AP3D1: variants seen among roughly 807,000 people sequenced by gnomAD.
The protein encoded by AP3D1 is adaptor related protein complex 3 subunit delta 1, also known as AP-3 complex subunit delta-1.
Under a neutral mutation model 147.6 loss-of-function variants are expected in AP3D1, and 51 were observed. The observed-to-expected ratio is 0.35, with a 90% CI of 0.28 to 0.44. AP3D1 has a LOEUF of 0.44. Ranked by LOEUF, AP3D1 falls within the 20% of genes least tolerant of loss-of-function variation. The pLI, the probability that AP3D1 is intolerant of heterozygous loss-of-function variation, is 1.00. For synonymous variants in AP3D1, 760 were observed against 663.0 expected, an observed-to-expected ratio of 1.15 and a Z score of -2.25; for missense variants, 1,421 against 1,624.2, an observed-to-expected ratio of 0.87 and a Z score of 2.15.
intron 7 of AP3D1, 71 bp from the exon 8 acceptor site, chr19:2,129,234 C>T (rs1015842201): frequency 1.9e-5 from 30 of 1,610,552 alleles, no homozygotes; most frequent in Admixed American, 1.3e-4. Context: ...GGGGGGGCCT[C>T]GGTCACCCGC....
At chr19:2,160,924 C>CGCCCA (rs367766624) in intron 1 of AP3D1, among the ~76,000 whole-genome samples, 287 of 152,166 alleles carry the variant, frequency 1.9e-3, no homozygotes, top group South Asian at 0.012. Context: ...TCCCAGACAT[C>CGCCCA]GCCCAGTGTT....
chr19:2,122,887 C>A (rs1285414916), intron 11 of AP3D1, among the ~76,000 whole-genome samples: 1 of 152,226 alleles, frequency 6.6e-6, no homozygotes, highest in East Asian at 1.9e-4. Flanking sequence ...CAGGCAGGGG[C>A]CGCTAATTCT....
rs778335839 is a variant in AP3D1, at chr19:2,116,255, C to T, written c.2025G>A (p.Glu675=). The T allele has an allele frequency of 1.6e-5, 26 of 1,614,158 alleles. No individual in the cohort carries two copies. In the Middle Eastern group the frequency reaches 6.6e-4, roughly 41 times the overall value. Reference sequence around the variant, plus strand: ...TGATGTAGAAGGGGTTGTTGGCCTGCTCCTGCTTCCGGGCCTCTCGGCGCT... The same window carrying T: ...TGATGTAGAAGGGGTTGTTGGCCTGTTCCTGCTTCCGGGCCTCTCGGCGCT... ...LARRREARKQ[E]QANNPFYIKS... The change falls in exon 18 of 32, where the codon GAG becomes GAA. Residue 675 remains glutamate, a synonymous_variant. Transcript: ENST00000643116.
chr19:2,110,988 G>T, intron 26 of AP3D1, 92 bp from the exon 27 acceptor site: 1 of 1,404,366 alleles, frequency 7.1e-7, no homozygotes. Context: ...AGAGGCAGCA[G>T]GGGTCCCACA....
rs1393263790 is a variant in AP3D1 at position 2,102,267 on chromosome 19, C to T, written c.3554G>A (p.Gly1185Asp). The change falls in exon 32 of 32, where the codon GGT becomes GAT. Residue 1185 changes from glycine (G) to aspartate (D), a missense_variant and splice_region_variant. By Grantham distance (94) the Gly-to-Asp change is moderately conservative. Coordinates refer to ENST00000643116, the MANE Select transcript of AP3D1 (RefSeq NM_001261826.3). ...GHHVCLLVKK[G>D]ENSVSVDGKC... Reference sequence around the variant, plus strand: ...CCCGTCGACTGAGACAGAGTTCTCACCCTGTGTAAGGAAAAAAGATGGATA... The same window carrying T: ...CCCGTCGACTGAGACAGAGTTCTCATCCTGTGTAAGGAAAAAAGATGGATA... The T allele has an allele frequency of 1.2e-6, 2 of 1,611,898 alleles. No individual in the cohort carries two copies. The highest frequency in any genetic ancestry group is 8.5e-7 in the Non-Finnish European group (1 of 1,178,268).
At chr19:2,113,273 T>C in intron 23 of AP3D1, 63 bp downstream of exon 23, 2 of 906,552 alleles carry the variant, frequency 2.2e-6, no homozygotes, top group South Asian at 1.7e-5. Flanking sequence ...GGCTCTTCCC[T>C]GAGTGCCAGG....
At chr19:2,153,843 T>A (rs185292360), upstream of AP3D1, among the ~76,000 whole-genome samples, 572 of 152,266 alleles carry the variant, frequency 3.8e-3, 9 homozygotes, top group Non-Finnish European at 2.5e-3. Flanking sequence ...TCCTTGTGAT[T>A]TCTTTCCCCT....
intron 31 of AP3D1, among the ~76,000 whole-genome samples, chr19:2,104,862 CCTGGGG>C: frequency 6.6e-6 from 1 of 151,766 alleles, no homozygotes; most frequent in Middle Eastern, 3.4e-3. Context: ...TTTTTGTAGA[CCTGGGG>C]TCTTGCCATG....
intron 1 of AP3D1, among the ~76,000 whole-genome samples, chr19:2,156,744 G>A (rs2019648515): frequency 6.6e-6 from 1 of 152,140 alleles, no homozygotes; most frequent in African/African-American, 2.4e-5. Flanking sequence ...AGTTACTCGG[G>A]AGGCTGAGGC....
intron 1 of AP3D1, among the ~76,000 whole-genome samples, chr19:2,159,861 C>A (rs1423144268): frequency 6.7e-6 from 1 of 149,888 alleles, no homozygotes; most frequent in Non-Finnish European, 1.5e-5. Flanking sequence ...GGTCTACAGG[C>A]GCCTGCCAAC....
rs567945386 is a variant in AP3D1, at chr19:2,105,888, C to T, written c.3552+2799G>A. The stretch of plus-strand genomic sequence containing the variant: ...AGGCAGGCGGATCAGGAGTTTGAGA[C>T]CAGCCTGACCAACATGGTGAAACCC... On this transcript the variant is annotated intron_variant, in intron 31 of 31. Transcript: ENST00000643116. Among the ~76,000 whole-genome samples the T allele has an allele frequency of 2.3e-3, 352 of 151,932 alleles. 3 individuals are homozygous for T. The highest frequency in any genetic ancestry group is 8.2e-3 in the African/African-American group (341 of 41,428).
chr19:2,150,660 G>A (rs1282874387), intron 1 of AP3D1, among the ~76,000 whole-genome samples: 2 of 152,286 alleles, frequency 1.3e-5, no homozygotes, highest in East Asian at 1.9e-4. Flanking sequence ...TCCGAGCCAG[G>A]CCTCAGGGAG....
chr19:2,111,257 C>T (rs2018267130), intron 26 of AP3D1, 28 bp downstream of exon 26: 1 of 1,613,540 alleles, frequency 6.2e-7, no homozygotes, highest in Non-Finnish European at 8.5e-7. Flanking sequence ...GCTGGCCCAC[C>T]CTGCCCCTGG....
rs150176915 is a variant in AP3D1 at position 2,127,296 on chromosome 19, C to G, written c.807-95G>C. On this transcript the variant is annotated intron_variant, in intron 8 of 31. Transcript: ENST00000643116. ...GCAGCTCAGCTGGAGACGGCCTCCG[C>G]CCCACGGCTCAGGGAGTGTGCCCCA... 3.5e-4 allele frequency: 479 copies of G among 1,358,214 alleles called. 2 individuals are homozygous for G. The African/African-American group carries it at 6.1e-3, about 17-fold the overall frequency. 84.1% of individuals were successfully genotyped at this position (1,358,214 alleles called of 1,614,324 possible). A position where few individuals can be genotyped will look rare whatever the true frequency, so the allele number is the denominator to read the frequency against.
chr19:2,128,292 C>G (rs1050058457), intron 8 of AP3D1, among the ~76,000 whole-genome samples: 2 of 152,144 alleles, frequency 1.3e-5, no homozygotes, highest in African/African-American at 4.8e-5. Context: ...AAAACCCAAA[C>G]TCCCCAAACG....
rs746875566 is a variant in AP3D1, at chr19:2,121,769, T to G, written c.1066A>C (p.Ile356Leu). 59 of 1,611,166 alleles carry G rather than the reference T, an allele frequency of 3.7e-5. No individual in the cohort carries two copies. Among genetic ancestry groups the G allele is most frequent in the Non-Finnish European group, 4.4e-5 (52 of 1,178,956 alleles). Reference sequence around the variant, plus strand: ...AGCAGGTCCAGGGCCCGCAGCCGGATGGACTCGTCCTTGTCGTCCAGGCAC... The same window carrying G: ...AGCAGGTCCAGGGCCCGCAGCCGGAGGGACTCGTCCTTGTCGTCCAGGCAC... ...LQCLDDKDES[I>L]RLRALDLLYG... The change falls in exon 12 of 32, where the codon ATC (isoleucine) becomes CTC (leucine). Residue 356 changes from isoleucine to leucine, a missense_variant. Transcript: ENST00000643116.
Position 2,116,252 on chromosome 19 carries a change from C to T in AP3D1, c.2028G>A (p.Gln676=). ...ARRREARKQE[Q]ANNPFYIKSS... is the part of the protein sequence containing the mutation. ...TCTTGATGTAGAAGGGGTTGTTGGC[C>T]TGCTCCTGCTTCCGGGCCTCTCGGC... is the stretch of plus-strand genomic sequence containing the variant. The change falls in exon 18 of 32, where the codon CAG becomes CAA. Residue 676 remains glutamine (Q), a synonymous_variant. Transcript: ENST00000643116. 1 of 1,614,152 alleles carries T rather than the reference C, an allele frequency of 6.2e-7. No homozygotes were observed. The highest frequency in any genetic ancestry group is 1.3e-5 in the African/African-American group (1 of 75,064).
chr19:2,149,617 A>G (rs376914800), intron 1 of AP3D1, among the ~76,000 whole-genome samples: 1 of 151,884 alleles, frequency 6.6e-6, no homozygotes, highest in East Asian at 1.9e-4. Context: ...AGGCGCTATC[A>G]ACTCACACCA....
intron 14 of AP3D1, among the ~76,000 whole-genome samples, chr19:2,120,054 G>A (rs908136582): frequency 2.0e-5 from 3 of 152,194 alleles, no homozygotes; most frequent in Admixed American, 6.5e-5. Flanking sequence ...TTCCTGAGCC[G>A]GGGCAGGCCC....
Sources: allele counts gnomAD v4.1 joint callset (sites outside exome capture counted in the v4.1 genomes callset), GRCh38; gene constraint gnomAD v4.1.1; transcripts MANE v1.5; gene names NCBI Gene and HGNC (gene_info 2026-07-23, HGNC 2026-07-21).